PACS2: variants seen among roughly 807,000 people sequenced by gnomAD.
The protein encoded by PACS2 is phosphofurin acidic cluster sorting protein 2.
In PACS2, 36 loss-of-function variants were observed where a neutral mutation model predicts 113.0. The ratio of observed to expected loss-of-function variants is 0.32; its 90% CI spans 0.24 to 0.42. PACS2 has a LOEUF of 0.42. PACS2 is among the 10% of genes least tolerant of loss of function. PACS2 has a pLI of 1.00. For missense variants in PACS2, 1,015 were observed against 1,239.5 expected, an observed-to-expected ratio of 0.82 and a Z score of 2.72; for synonymous variants, 589 against 536.1, an observed-to-expected ratio of 1.10 and a Z score of -1.36.
intron 4 of PACS2, among the ~76,000 whole-genome samples, chr14:105,360,967 T>A (rs921568599): frequency 4.6e-5 from 7 of 152,192 alleles, no homozygotes; most frequent in Non-Finnish European, 8.8e-5. Flanking sequence ...AGCCACTTCT[T>A]ATCAGCTGAA....
At position 105,384,421 on chromosome 14, in the gene PACS2, G is replaced by T. The variant is rs781901106; in HGVS notation, c.1849G>T (p.Ala617Ser). ...CTACAACAACTTCTTCCAGGACCTGGCCTGGAGAGACCTGTTCAACAAGCT... is the reference window on the plus strand; with the variant it reads ...CTACAACAACTTCTTCCAGGACCTGTCCTGGAGAGACCTGTTCAACAAGCT... Reference protein sequence around the residue: ...YRYNNFFQDLAWRDLFNKLEA... With the variant: ...YRYNNFFQDLSWRDLFNKLEA... Residue 617 changes from alanine to serine, a missense_variant, in exon 17 of 25, where the codon GCC (alanine) becomes TCC (serine). Physicochemically the swap from Ala to Ser is moderately conservative, Grantham distance 99 (BLOSUM62 1). Coordinates refer to ENST00000447393, the MANE Select transcript of PACS2 (RefSeq NM_001100913.3). The T allele has an allele frequency of 9.3e-6, 15 of 1,612,326 alleles. No individual in the cohort carries two copies. The East Asian group carries it at 3.3e-4, about 36-fold the overall frequency.
chr14:105,394,846 G>A lies in PACS2; in HGVS notation c.*174G>A, dbSNP rs1019673424. 2.5e-5 allele frequency: 15 copies of A among 604,312 alleles called. No individual in the cohort carries two copies. The highest frequency in any genetic ancestry group is 2.9e-4 in the Middle Eastern group (1 of 3,390). The allele number at this position is 604,312 out of a possible 1,614,324, so 37.4% of individuals were successfully genotyped here. On this transcript the variant is annotated 3_prime_UTR_variant, in exon 25 of 25. Transcript: ENST00000447393. ...AACGGGGGAGCTCCTGCCAGGAGCC[G>A]AATAACTGCTCTGCTTATTAACCCG...
chr14:105,326,318 G>A (rs1425978474), intron 1 of PACS2, among the ~76,000 whole-genome samples: 4 of 152,212 alleles, frequency 2.6e-5, no homozygotes, highest in African/African-American at 4.8e-5. Context: ...TGAGGCTTCC[G>A]TATGAGCTCG....
At chr14:105,339,745 T>C (rs587611373) in intron 1 of PACS2, among the ~76,000 whole-genome samples, 6 of 151,608 alleles carry the variant, frequency 4.0e-5, no homozygotes, top group East Asian at 3.9e-4. Flanking sequence ...CAAGTCTTAA[T>C]TGAATATTAA....
rs867739354 is a variant in PACS2 at position 105,323,624 on chromosome 14, C to T, written c.119+8587C>T. The stretch of plus-strand genomic sequence containing the variant: ...TTTCAAGTGTGTGTATTTGGGAGAG[C>T]AGTGCTGCTGGAGTGGTGGACCACA... On this transcript the variant is annotated intron_variant, in intron 1 of 24. Transcript: ENST00000447393. The surrounding 1 kb of genome is among the most constrained non-coding windows in gnomAD (Gnocchi z 4.1). Among the ~76,000 whole-genome samples the T allele has an allele frequency of 3.3e-5, 5 of 152,310 alleles. No individual in the cohort carries two copies. The highest frequency in any genetic ancestry group is 2.1e-4 in the South Asian group (1 of 4,832).
At chr14:105,393,362 T>C in intron 24 of PACS2, 27 bp downstream of exon 24, 2 of 1,515,820 alleles carry the variant, frequency 1.3e-6, no homozygotes, top group Non-Finnish European at 1.8e-6. Context: ...CCGGGGTCTG[T>C]AGAGTGGGAC....
At position 105,365,807 on chromosome 14, in the gene PACS2, C is replaced by G. The variant is rs1013265867; in HGVS notation, c.424-1406C>G. Among the ~76,000 whole-genome samples, 1 of 152,156 alleles carries G rather than the reference C, an allele frequency of 6.6e-6. No individual in the cohort carries two copies. The highest frequency in any genetic ancestry group is 6.5e-5 in the Admixed American group (1 of 15,274). The stretch of plus-strand genomic sequence containing the variant: ...ACTGAGACCCTGCCACATCAGATGC[C>G]ACTCTGAGAAGGCGACTCAGGGTGC... On this transcript the variant is annotated intron_variant, in intron 4 of 24. Transcript: ENST00000447393. The surrounding 1 kb of genome is among the most constrained non-coding windows in gnomAD (Gnocchi z 5.1).
chr14:105,367,534 G>A (rs1251455620), intron 5 of PACS2, among the ~76,000 whole-genome samples, 159 bp downstream of exon 5: 1 of 152,270 alleles, frequency 6.6e-6, no homozygotes, highest in Non-Finnish European at 1.5e-5. Flanking sequence ...CAGCAGAGGT[G>A]CGCGCTGTTG....
intron 4 of PACS2, 123 bp from the exon 5 acceptor site, chr14:105,367,090 T>G (rs1455434424): frequency 2.3e-6 from 2 of 854,474 alleles, no homozygotes; most frequent in African/African-American, 3.4e-5. Flanking sequence ...GTGGCTGCCC[T>G]GCTGAGGGTC....
rs1272494167 is a variant in PACS2, at chr14:105,365,871, C to T, written c.424-1342C>T. 2.6e-5 allele frequency among the ~76,000 whole-genome samples: 4 copies of T among 152,370 alleles called. No homozygotes were observed. In the East Asian group the frequency reaches 7.7e-4, roughly 29 times the overall value. On this transcript the variant is annotated intron_variant, in intron 4 of 24. Coordinates refer to ENST00000447393, the MANE Select transcript of PACS2 (RefSeq NM_001100913.3). This position sits in a 1 kb window ranked among gnomAD's most constrained non-coding sequence, Gnocchi z 5.1. ...AACAGCAGCCTCCAAGTACGTGAAG[C>T]TGCGTGTGCCCCGGCGAGTTGTGGG...
intron 19 of PACS2, among the ~76,000 whole-genome samples, chr14:105,388,023 G>A (rs182322165): frequency 3.7e-4 from 56 of 152,352 alleles, no homozygotes; most frequent in African/African-American, 1.3e-3. Flanking sequence ...CCAGGAGGCC[G>A]CCCTGAGGCA....
chr14:105,316,745 G>A (rs1209829971), intron 1 of PACS2, among the ~76,000 whole-genome samples: 1 of 151,922 alleles, frequency 6.6e-6, no homozygotes, highest in Non-Finnish European at 1.5e-5. Flanking sequence ...TAGGACAGGC[G>A]GGGGTAGATG....
chr14:105,355,913 TC>T lies in PACS2; in HGVS notation c.423+737del, dbSNP rs2060426091. Among the ~76,000 whole-genome samples the T allele has an allele frequency of 6.6e-6, 1 of 152,230 alleles. No individual in the cohort carries two copies. The highest frequency in any genetic ancestry group is 2.4e-5 in the African/African-American group (1 of 41,532). ...GCCCAGGGCCCCAGACCAGTTTGTC[TC>T]TTTTGCTTCAGAACTTTCCCCATCG... is the stretch of plus-strand genomic sequence containing the variant. On this transcript the variant is annotated intron_variant, in intron 4 of 24. Coordinates refer to ENST00000447393, the MANE Select transcript of PACS2 (RefSeq NM_001100913.3). This position sits in a 1 kb window ranked among gnomAD's most constrained non-coding sequence, Gnocchi z 4.1.
In PACS2 at chr14:105,317,118, C is replaced by T. The variant is rs2058695281; in HGVS notation, c.119+2081C>T. Among the ~76,000 whole-genome samples, 1 of 152,220 alleles carries T rather than the reference C, an allele frequency of 6.6e-6. No individual in the cohort carries two copies. Among genetic ancestry groups the T allele is most frequent in the Non-Finnish European group, 1.5e-5 (1 of 68,042 alleles). On this transcript the variant is annotated intron_variant, in intron 1 of 24. Coordinates refer to ENST00000447393, the MANE Select transcript of PACS2 (RefSeq NM_001100913.3). The surrounding 1 kb of genome is among the most constrained non-coding windows in gnomAD (Gnocchi z 4.2). ...CTCCTGAGTTCTTCTGTACTCCTCA[C>T]TTTTGCCCAGCCATGAAGCTTCTGG...
chr14:105,327,485 C>T (rs1370546196), intron 1 of PACS2, among the ~76,000 whole-genome samples: 1 of 152,130 alleles, frequency 6.6e-6, no homozygotes, highest in Non-Finnish European at 1.5e-5. Flanking sequence ...TGTTCTCCTG[C>T]CGTGGTCCTG....
intron 24 of PACS2, chr14:105,394,246 G>A: frequency 3.0e-6 from 3 of 985,312 alleles, no homozygotes; most frequent in Non-Finnish European, 2.4e-6. Context: ...GGATGTGGAC[G>A]AGCAGCGCCT....
intron 12 of PACS2, among the ~76,000 whole-genome samples, chr14:105,381,570 C>T (rs1384996169): frequency 6.6e-6 from 1 of 152,240 alleles, no homozygotes; most frequent in African/African-American, 2.4e-5. Context: ...GTGCCCTGCA[C>T]TGGCCTGCAC....
Position 105,348,532 on chromosome 14 carries a change from G to A in PACS2, c.159G>A (p.Lys53=). ...SLTLKKLVVF[K]ELEKELISVV... ...CTCTGAAGAAGCTGGTGGTCTTCAA[G>A]GAGCTGGAGAAGGAGCTGATCTCCG... Residue 53 remains lysine (K), a synonymous_variant, in exon 2 of 25, where the codon AAG becomes AAA. Transcript: ENST00000447393. The surrounding 1 kb of genome is among the most constrained non-coding windows in gnomAD (Gnocchi z 6.4). The A allele has an allele frequency of 6.2e-7, 1 of 1,612,618 alleles. No homozygotes were observed. The highest frequency in any genetic ancestry group is 8.5e-7 in the Non-Finnish European group (1 of 1,179,838).
In PACS2 at chr14:105,384,764, T is replaced by C. The variant is rs1442111502; in HGVS notation, c.1892-115T>C. 3 of 710,290 alleles carry C rather than the reference T, an allele frequency of 4.2e-6. No individual in the cohort carries two copies. In the African/African-American group the frequency reaches 5.2e-5, roughly 12 times the overall value. 44.0% of individuals were successfully genotyped at this position (710,290 alleles called of 1,614,324 possible). ...CCCCTCAGCTGCAACCAGCGAGCCC[T>C]GCCGCGCTTCGGGGTACGGGAGGCC... On this transcript the variant is annotated intron_variant, in intron 17 of 24. Transcript: ENST00000447393.
Sources: allele counts gnomAD v4.1 joint callset (sites outside exome capture counted in the v4.1 genomes callset), GRCh38; gene constraint gnomAD v4.1.1; non-coding constraint Gnocchi (gnomAD v3.1); transcripts MANE v1.5; gene names NCBI Gene and HGNC (gene_info 2026-07-23, HGNC 2026-07-21).